DEFB108B: variants seen among roughly 807,000 people sequenced by gnomAD.
DEFB108B encodes the protein beta-defensin 108B.
In DEFB108B, 3 loss-of-function variants were observed where a neutral mutation model predicts 2.4. The observed-to-expected ratio is 1.25, with a 90% CI of 0.57 to 3.24. DEFB108B has a LOEUF of 3.24. Ranked by LOEUF, DEFB108B falls within the 30% of genes most tolerant of loss-of-function variation. DEFB108B has a pLI of 0.03. For synonymous variants in DEFB108B, 25 were observed against 28.7 expected (o/e 0.87, Z 0.41); for missense variants, 101 against 87.8 (o/e 1.15, Z -0.60).
At chr11:71,835,652 A>G (rs1189274057) in intron 1 of DEFB108B, among the ~76,000 whole-genome samples, 9 of 152,224 alleles carry the variant, frequency 5.9e-5, no homozygotes, top group African/African-American at 9.6e-5. Flanking sequence ...TTTCTTGAAA[A>G]GTGGTTTGAA....
chr11:71,836,098 AC>A (rs1419653123), intron 1 of DEFB108B, among the ~76,000 whole-genome samples: 1 of 152,232 alleles, frequency 6.6e-6, no homozygotes, highest in Non-Finnish European at 1.5e-5. Context: ...GGGCTTGGGT[AC>A]TACTATACGT....
At chr11:71,834,227 A>G (rs1344378972) in intron 1 of DEFB108B, among the ~76,000 whole-genome samples, 2 of 152,136 alleles carry the variant, frequency 1.3e-5, no homozygotes. Flanking sequence ...TAAAGCCTGA[A>G]AAAAGGTGAT....
intron 1 of DEFB108B, among the ~76,000 whole-genome samples, chr11:71,835,375 A>G (rs1320474641): frequency 6.6e-6 from 1 of 152,214 alleles, no homozygotes; most frequent in Non-Finnish European, 1.5e-5. Flanking sequence ...TGCTTAGAAT[A>G]AAGTCCTCCA....
At chr11:71,836,849 T>C (rs1223548394) in intron 1 of DEFB108B, among the ~76,000 whole-genome samples, 2 of 152,140 alleles carry the variant, frequency 1.3e-5, no homozygotes, top group East Asian at 3.9e-4. Flanking sequence ...AAAAATATCC[T>C]CTCTAACAAT....
chr11:71,833,834 A>G (rs1952196737), intron 1 of DEFB108B, among the ~76,000 whole-genome samples: 1 of 152,150 alleles, frequency 6.6e-6, no homozygotes, highest in East Asian at 1.9e-4. Flanking sequence ...TAAACACAGG[A>G]ACCAGGGATG....
At position 71,837,320 on chromosome 11, in the gene DEFB108B, T is replaced by C. The variant is rs1191443994; in HGVS notation, c.59-79T>C. ...TCCACACAAGATTATTTTCAAGCAC[T>C]GCCCCCTACATCCATGTAATTCAAC... On this transcript the variant is annotated intron_variant, in intron 1 of 1. Transcript: ENST00000328698. 3 of 1,523,242 alleles carry C rather than the reference T, an allele frequency of 2.0e-6. No homozygotes were observed. The East Asian group carries it at 6.7e-5, about 34-fold the overall frequency. 94.4% of individuals were successfully genotyped at this position (1,523,242 alleles called of 1,614,324 possible).
At position 71,837,274 on chromosome 11, in the gene DEFB108B, A is replaced by T. The variant is rs948025417; in HGVS notation, c.59-125A>T. On this transcript the variant is annotated intron_variant, in intron 1 of 1. Coordinates refer to ENST00000328698, the MANE Select transcript of DEFB108B (RefSeq NM_001002035.2). ...GTGTTTAAGAAATCAAATCACACAC[A>T]CACACACACACACACACAAATCCAC... 3.4e-6 allele frequency: 4 copies of T among 1,182,558 alleles called. No homozygotes were observed. The African/African-American group carries it at 6.2e-5, about 18-fold the overall frequency. The allele number at this position is 1,182,558 out of a possible 1,614,324, so 73.3% of individuals were successfully genotyped here. A position where few individuals can be genotyped will look rare whatever the true frequency, so the allele number is the denominator to read the frequency against.
intron 1 of DEFB108B, among the ~76,000 whole-genome samples, chr11:71,835,842 G>A (rs1163381029): frequency 6.6e-6 from 1 of 152,154 alleles, no homozygotes; most frequent in East Asian, 1.9e-4. Context: ...ACTTTAATCA[G>A]ATTCTGGAAT....
intron 1 of DEFB108B, among the ~76,000 whole-genome samples, chr11:71,836,708 T>A (rs1952221180): frequency 6.6e-6 from 1 of 152,212 alleles, no homozygotes; most frequent in South Asian, 2.1e-4. Context: ...CAATGGTTTC[T>A]AGAGAAAAAT....
intron 1 of DEFB108B, among the ~76,000 whole-genome samples, chr11:71,836,533 G>T (rs374433645): frequency 1.3e-5 from 2 of 152,270 alleles, no homozygotes; most frequent in Admixed American, 1.3e-4. Context: ...ACATACAAAG[G>T]CTGCTCAGAA....
chr11:71,837,317 C>A, intron 1 of DEFB108B, 82 bp from the exon 2 acceptor site: 1 of 1,515,358 alleles, frequency 6.6e-7, no homozygotes, highest in Non-Finnish European at 9.1e-7. Context: ...TATTTTCAAG[C>A]ACTGCCCCCT....
intron 1 of DEFB108B, among the ~76,000 whole-genome samples, chr11:71,835,295 G>A (rs1467318226): frequency 6.6e-6 from 1 of 152,020 alleles, no homozygotes; most frequent in Non-Finnish European, 1.5e-5. Flanking sequence ...ATGTCCATGT[G>A]CACTTATTGC....
chr11:71,837,036 T>A (rs906638232), intron 1 of DEFB108B: 1 of 219,128 alleles, frequency 4.6e-6, no homozygotes, highest in Non-Finnish European at 9.0e-6. Flanking sequence ...AAATCCATAG[T>A]GCAAGACATT....
At chr11:71,837,145 G>A (rs549670087) in intron 1 of DEFB108B, 10 of 481,756 alleles carry the variant, frequency 2.1e-5, no homozygotes, top group Admixed American at 7.4e-5. Context: ...AAAGGGGAGC[G>A]GGCTACTCAC....
rs562225225 is a variant in DEFB108B, at chr11:71,833,485, C to T, written c.58+228C>T. Among the ~76,000 whole-genome samples, 5 of 152,252 alleles carry T rather than the reference C, an allele frequency of 3.3e-5. No individual in the cohort carries two copies. In the East Asian group the frequency reaches 9.6e-4, roughly 29 times the overall value. ...CTTTGAAACCCTCTTATTCCATCTC[C>T]AAATTAGGCAAGTTTACTAGCAGTT... On this transcript the variant is annotated intron_variant, in intron 1 of 1. Transcript: ENST00000328698.
At position 71,837,690 on chromosome 11, in the gene DEFB108B, C is replaced by T. The variant is rs971237882; in HGVS notation, c.*128C>T. Reference sequence around the variant, plus strand: ...TATTGAATCCTCAAAAAAGAATAAACCAAAACCAACCAGCACAAAACTCTT... The same window carrying T: ...TATTGAATCCTCAAAAAAGAATAAATCAAAACCAACCAGCACAAAACTCTT... On this transcript the variant is annotated 3_prime_UTR_variant, in exon 2 of 2. Transcript: ENST00000328698. 2 of 1,241,754 alleles carry T rather than the reference C, an allele frequency of 1.6e-6. No individual in the cohort carries two copies. The highest frequency in any genetic ancestry group is 2.2e-6 in the Non-Finnish European group (2 of 908,282). The allele number at this position is 1,241,754 out of a possible 1,614,324, so 76.9% of individuals were successfully genotyped here.
intron 1 of DEFB108B, among the ~76,000 whole-genome samples, chr11:71,834,268 CACA>C (rs753961166): frequency 1.3e-5 from 2 of 152,120 alleles, no homozygotes; most frequent in Non-Finnish European, 2.9e-5. Flanking sequence ...CTCGGTAGCA[CACA>C]ACATCGGGGA....
chr11:71,836,962 G>GTA (rs1952224718), intron 1 of DEFB108B: 2 of 50,450 alleles, frequency 4.0e-5, no homozygotes, highest in African/African-American at 9.6e-5. Context: ...GTGTGTGTGT[G>GTA]TCTGTGTGTG....
chr11:71,836,452 A>G (rs1398513900), intron 1 of DEFB108B, among the ~76,000 whole-genome samples: 1 of 148,364 alleles, frequency 6.7e-6, no homozygotes, highest in East Asian at 1.9e-4. Flanking sequence ...TCCAGAATAG[A>G]AAAAAAAAAG....
Sources: gnomAD v4.1 joint callset for allele counts (sites outside exome capture counted in the v4.1 genomes callset) on GRCh38, gnomAD v4.1.1 for gene constraint, MANE v1.5 for transcripts, NCBI Gene and HGNC (gene_info 2026-07-23, HGNC 2026-07-21) for gene names.